Variants in LYPLAL1 observed in about 807,000 individuals in gnomAD.
LYPLAL1 encodes lysophospholipase like 1.
In LYPLAL1, 23 loss-of-function variants were observed where a neutral mutation model predicts 19.7. The observed-to-expected ratio is 1.17, with a 90% CI of 0.84 to 1.65. The LOEUF (loss-of-function observed/expected upper bound fraction) is 1.65. Among genes scored for constraint, LYPLAL1 ranks in the 40% most tolerant of loss-of-function variants. The pLI, the probability that LYPLAL1 is intolerant of heterozygous loss-of-function variation, is 0.00. For synonymous variants in LYPLAL1, 119 were observed against 96.3 expected, an observed-to-expected ratio of 1.24 and a Z score of -1.38; for missense variants, 355 against 279.4, an observed-to-expected ratio of 1.27 and a Z score of -1.93.
the LYPLAL1 span, among the ~76,000 whole-genome samples, chr1:219,312,199 C>G: frequency 6.6e-6 from 1 of 152,092 alleles, no homozygotes; most frequent in Non-Finnish European, 1.5e-5. Flanking sequence ...GGGCACTGGA[C>G]TTCTGAGGAG....
chr1:219,356,271 G>T, the LYPLAL1 span, among the ~76,000 whole-genome samples: 2 of 152,146 alleles, frequency 1.3e-5, no homozygotes, highest in Non-Finnish European at 2.9e-5. Context: ...GGAGGCCGAG[G>T]TGGGCGGATC....
chr1:219,372,379 T>C, the LYPLAL1 span, among the ~76,000 whole-genome samples: 1 of 152,188 alleles, frequency 6.6e-6, no homozygotes, highest in Non-Finnish European at 1.5e-5. Context: ...TTAAAAATCA[T>C]GTTCAGTTTT....
rs1409617361 is a variant in LYPLAL1 at position 219,193,258 on chromosome 1, C to G, written c.361+7C>G. On this transcript the variant is annotated splice_region_variant and intron_variant, in intron 3 of 4. Coordinates refer to ENST00000366928, the MANE Select transcript of LYPLAL1 (RefSeq NM_138794.5). ...AAGAACAGGATATTAATAGGTAAGA[C>G]CTTTAAATGTTGGTAATTTATCACT... The G allele has an allele frequency of 9.4e-6, 15 of 1,598,686 alleles. No homozygotes were observed. In the South Asian group the frequency reaches 1.7e-4, roughly 18 times the overall value.
the LYPLAL1 span, among the ~76,000 whole-genome samples, chr1:219,399,012 G>A: frequency 5.9e-5 from 9 of 152,216 alleles, no homozygotes; most frequent in African/African-American, 2.2e-4. Flanking sequence ...GTGACAGTGT[G>A]ATCCGTCCTC....
the LYPLAL1 span, among the ~76,000 whole-genome samples, chr1:219,285,398 C>T: frequency 6.6e-6 from 1 of 152,146 alleles, no homozygotes; most frequent in Non-Finnish European, 1.5e-5. Context: ...GTGTTTATAT[C>T]ACTAGAGGGA....
the LYPLAL1 span, among the ~76,000 whole-genome samples, chr1:219,363,882 T>C: frequency 6.6e-6 from 1 of 152,164 alleles, no homozygotes; most frequent in Non-Finnish European, 1.5e-5. Context: ...AAATTCTGAC[T>C]GAAGCAAACT....
the LYPLAL1 span, among the ~76,000 whole-genome samples, chr1:219,399,891 C>G: frequency 1.1e-4 from 17 of 152,168 alleles, no homozygotes; most frequent in Non-Finnish European, 2.1e-4. Flanking sequence ...TAGCCATGCT[C>G]TGCTACAGAT....
the LYPLAL1 span, among the ~76,000 whole-genome samples, chr1:219,263,113 C>G: frequency 6.6e-6 from 1 of 152,126 alleles, no homozygotes; most frequent in Non-Finnish European, 1.5e-5. Flanking sequence ...TGTTTGGCTA[C>G]CAGGCAGGTA....
At chr1:219,313,074 T>A in the LYPLAL1 span, among the ~76,000 whole-genome samples, 1 of 152,238 alleles carries the variant, frequency 6.6e-6, no homozygotes, top group African/African-American at 2.4e-5. Context: ...TGTAAGTTTT[T>A]GGAAGGCAGA....
At chr1:219,318,471 C>T in the LYPLAL1 span, among the ~76,000 whole-genome samples, 1 of 152,006 alleles carries the variant, frequency 6.6e-6, no homozygotes, top group African/African-American at 2.4e-5. Flanking sequence ...TTCTCATCTC[C>T]ACCAAACTGT....
chr1:219,210,489 ATTAT>A lies in LYPLAL1; in HGVS notation c.362-40_362-37del, dbSNP rs778251260. On this transcript the variant is annotated intron_variant, in intron 3 of 4. Transcript: ENST00000366928. Reference sequence around the variant, plus strand: ...ATTGTTATATATCATATCCTAAATTATTATTTTATGTATTCTACTTTTAAGTATG... The same window carrying A: ...ATTGTTATATATCATATCCTAAATTATTTATGTATTCTACTTTTAAGTATG... 4.7e-5 allele frequency: 55 copies of A among 1,177,438 alleles called. No individual in the cohort carries two copies. The African/African-American group carries it at 8.2e-4, about 18-fold the overall frequency. The allele number at this position is 1,177,438 out of a possible 1,614,324, so 72.9% of individuals were successfully genotyped here.
the LYPLAL1 span, among the ~76,000 whole-genome samples, chr1:219,429,381 G>T: frequency 2.0e-5 from 3 of 152,192 alleles, no homozygotes; most frequent in African/African-American, 4.8e-5. Flanking sequence ...ATTCCAGCAG[G>T]GCGCAGTGGC....
At chr1:219,253,626 G>A in the LYPLAL1 span, among the ~76,000 whole-genome samples, 1 of 151,800 alleles carries the variant, frequency 6.6e-6, no homozygotes, top group Middle Eastern at 3.4e-3. Context: ...TTTTTACTGA[G>A]CTGTGGTCCA....
At chr1:219,298,104 G>A in the LYPLAL1 span, among the ~76,000 whole-genome samples, 4 of 152,152 alleles carry the variant, frequency 2.6e-5, no homozygotes, top group Admixed American at 2.6e-4. Flanking sequence ...GAGCCCAAGA[G>A]TTTGAGACCA....
At chr1:219,254,289 A>T in the LYPLAL1 span, among the ~76,000 whole-genome samples, 1 of 151,940 alleles carries the variant, frequency 6.6e-6, no homozygotes, top group Non-Finnish European at 1.5e-5. Flanking sequence ...TTCAAGGTTT[A>T]GTACTGAATG....
the LYPLAL1 span, among the ~76,000 whole-genome samples, chr1:219,370,808 A>T: frequency 6.6e-6 from 1 of 152,094 alleles, no homozygotes; most frequent in Non-Finnish European, 1.5e-5. Flanking sequence ...GGACATAATC[A>T]CCCCAAGAAA....
the LYPLAL1 span, among the ~76,000 whole-genome samples, chr1:219,403,662 G>T: frequency 6.6e-6 from 1 of 152,190 alleles, no homozygotes. Flanking sequence ...ACCTCTGGAT[G>T]CAGTGTACAG....
the LYPLAL1 span, among the ~76,000 whole-genome samples, chr1:219,323,758 A>G: frequency 1.3e-5 from 2 of 152,196 alleles, no homozygotes; most frequent in Non-Finnish European, 2.9e-5. Context: ...AAAACCTTAG[A>G]AAAAAGTACA....
the LYPLAL1 span, among the ~76,000 whole-genome samples, chr1:219,291,791 C>CA: frequency 0.96 from 144,237 of 150,180 alleles, 69,513 homozygotes; most frequent in South Asian, 1. Flanking sequence ...TTCATATGTG[C>CA]AAAAAAAAAT....
Sources: gnomAD v4.1 joint callset for allele counts (sites outside exome capture counted in the v4.1 genomes callset) on GRCh38, gnomAD v4.1.1 for gene constraint, MANE v1.5 for transcripts, NCBI Gene and HGNC (gene_info 2026-07-23, HGNC 2026-07-21) for gene names.